NUDT3: variants seen among roughly 807,000 people sequenced by gnomAD.
NUDT3 encodes the protein nudix hydrolase 3, also known as diphosphoinositol polyphosphate phosphohydrolase 1.
NUDT3 carries 9 observed loss-of-function variants against 23.6 expected under a neutral mutation model. The ratio of observed to expected loss-of-function variants is 0.38; its 90% CI spans 0.23 to 0.66. The LOEUF is 0.66. Ranked by LOEUF, NUDT3 falls within the 30% of genes least tolerant of loss-of-function variation. The probability of loss-of-function intolerance (pLI) is 0.52; values close to 1 mark genes in which losing one functional copy is unlikely to be tolerated. For synonymous variants in NUDT3, 86 were observed against 82.6 expected (o/e 1.04, Z -0.22); for missense variants, 172 against 218.5 (o/e 0.79, Z 1.34).
intron 1 of NUDT3, among the ~76,000 whole-genome samples, chr6:34,343,954 T>C (rs572068497): frequency 1.3e-5 from 2 of 152,298 alleles, no homozygotes; most frequent in South Asian, 4.1e-4. Flanking sequence ...CATTAGTCAT[T>C]AGGGAAATGC....
At chr6:34,386,519 C>T (rs1191114598) in intron 1 of NUDT3, among the ~76,000 whole-genome samples, 3 of 152,090 alleles carry the variant, frequency 2.0e-5, no homozygotes, top group Non-Finnish European at 2.9e-5. Context: ...TTGACACATC[C>T]TAACCTGGAT....
At chr6:34,364,479 T>C (rs1247670524) in intron 1 of NUDT3, among the ~76,000 whole-genome samples, 2 of 152,152 alleles carry the variant, frequency 1.3e-5, no homozygotes, top group African/African-American at 4.8e-5. Context: ...TTTCTAAAAC[T>C]AAACAATGGC....
At position 34,375,995 on chromosome 6, in the gene NUDT3, G is replaced by A. The variant is rs148464866; in HGVS notation, c.99+16269C>T. 4.3e-3 allele frequency among the ~76,000 whole-genome samples: 661 copies of A among 152,140 alleles called. 2 individuals carry two copies. Among genetic ancestry groups the A allele is most frequent in the African/African-American group, 0.015 (628 of 41,518 alleles). ...TTGCTTTCTGTGTACTTTCTCTTGTGCTAACTTTCTATTCTCCCTCTCCAA... is the reference window on the plus strand; with the variant it reads ...TTGCTTTCTGTGTACTTTCTCTTGTACTAACTTTCTATTCTCCCTCTCCAA... On this transcript the variant is annotated intron_variant, in intron 1 of 4. Transcript: ENST00000607016.
chr6:34,288,618 C>T lies in NUDT3; in HGVS notation c.*135G>A. On this transcript the variant is annotated 3_prime_UTR_variant, in exon 5 of 5. Transcript: ENST00000607016. ...ACACCAAACAGCAACATTATCAATA[C>T]ACCCTTTCTTTGCTGCCCACCATGC... 5 of 1,199,738 alleles carry T rather than the reference C, an allele frequency of 4.2e-6. No homozygotes were observed. The highest frequency in any genetic ancestry group is 5.7e-6 in the Non-Finnish European group (5 of 874,560). 74.3% of individuals were successfully genotyped at this position (1,199,738 alleles called of 1,614,324 possible). A position where few individuals can be genotyped will look rare whatever the true frequency, so the allele number is the denominator to read the frequency against.
chr6:34,368,804 C>T (rs941820078), intron 1 of NUDT3, among the ~76,000 whole-genome samples: 2 of 152,102 alleles, frequency 1.3e-5, no homozygotes, highest in African/African-American at 2.4e-5. Flanking sequence ...ACACCTGGCT[C>T]ATTTTTTGTA....
At chr6:34,361,062 A>G (rs187721914) in intron 1 of NUDT3, among the ~76,000 whole-genome samples, 232 of 152,212 alleles carry the variant, frequency 1.5e-3, no homozygotes, top group African/African-American at 5.3e-3. Flanking sequence ...ATTTCTATAA[A>G]AAATTTTAAA....
chr6:34,360,845 T>C (rs78931065), intron 1 of NUDT3, among the ~76,000 whole-genome samples: 12,622 of 152,012 alleles, frequency 0.083, 697 homozygotes, highest in Non-Finnish European at 0.12. Context: ...ATCCAAAATA[T>C]ACACAGGACA....
intron 1 of NUDT3, among the ~76,000 whole-genome samples, chr6:34,357,253 G>A (rs1197096685): frequency 6.6e-6 from 1 of 152,126 alleles, no homozygotes; most frequent in African/African-American, 2.4e-5. Context: ...GAAGCTGACT[G>A]AGGAGTACAT....
intron 1 of NUDT3, among the ~76,000 whole-genome samples, chr6:34,389,274 T>G (rs1471395867): frequency 6.6e-6 from 1 of 152,200 alleles, no homozygotes; most frequent in Non-Finnish European, 1.5e-5. Flanking sequence ...TCCAATGGTT[T>G]TACAAGTGTT....
intron 1 of NUDT3, among the ~76,000 whole-genome samples, chr6:34,348,880 G>C (rs1179005786): frequency 1.3e-5 from 2 of 149,378 alleles, no homozygotes; most frequent in Admixed American, 1.3e-4. Context: ...TTTTTTTTTA[G>C]ACAGGATCTC....
At chr6:34,348,071 G>A (rs949939270) in intron 1 of NUDT3, among the ~76,000 whole-genome samples, 3 of 151,930 alleles carry the variant, frequency 2.0e-5, no homozygotes, top group Non-Finnish European at 4.4e-5. Context: ...GGCTGAGGCG[G>A]GCAGATCACT....
chr6:34,366,151 G>A (rs1050228608), intron 1 of NUDT3, among the ~76,000 whole-genome samples: 1 of 151,070 alleles, frequency 6.6e-6, no homozygotes, highest in Admixed American at 6.6e-5. Context: ...CAGATCACTT[G>A]AGCCCAGGAG....
chr6:34,297,755 ATATAATTT>A (rs1405250848), intron 2 of NUDT3, among the ~76,000 whole-genome samples: 19 of 90,382 alleles, frequency 2.1e-4, no homozygotes, highest in African/African-American at 9.8e-4. Flanking sequence ...ATATATATAT[ATATAATTT>A]TTTTTTTTTT....
chr6:34,345,997 G>C (rs80273927), intron 1 of NUDT3, among the ~76,000 whole-genome samples: 2,525 of 151,900 alleles, frequency 0.017, 72 homozygotes, highest in African/African-American at 0.058. Context: ...TCGAACTCCC[G>C]AACTCAGGTC....
In NUDT3 at chr6:34,281,094, A is replaced by G. The variant is rs1255788466; in HGVS notation, c.*7659T>C. 2.6e-5 allele frequency: 4 copies of G among 152,238 alleles called. No individual in the cohort carries two copies. The highest frequency in any genetic ancestry group is 5.9e-5 in the Non-Finnish European group (4 of 68,048). 9.4% of individuals were successfully genotyped at this position (152,238 alleles called of 1,614,324 possible). Reference sequence around the variant, plus strand: ...GAAAGCACACTAGTTCATCTCTTTTATAAGTAGAATGGTCCCAGGGATGTT... The same window carrying G: ...GAAAGCACACTAGTTCATCTCTTTTGTAAGTAGAATGGTCCCAGGGATGTT... On this transcript the variant is annotated 3_prime_UTR_variant, in exon 5 of 5. Coordinates refer to ENST00000607016, the MANE Select transcript of NUDT3 (RefSeq NM_006703.4).
intron 2 of NUDT3, among the ~76,000 whole-genome samples, 166 bp downstream of exon 2, chr6:34,341,683 AACATTACCATGTC>A (rs1313088149): frequency 6.6e-6 from 1 of 152,278 alleles, no homozygotes; most frequent in Non-Finnish European, 1.5e-5. Context: ...AGTGCCGGTT[AACATTACCATGTC>A]ACAACTCCAT....
chr6:34,295,774 A>G, intron 2 of NUDT3, 89 bp from the exon 3 acceptor site: 1 of 1,534,604 alleles, frequency 6.5e-7, no homozygotes, highest in Non-Finnish European at 8.9e-7. Context: ...TAAAATAGAA[A>G]CAAAAAACAA....
chr6:34,362,913 T>C (rs559486928), intron 1 of NUDT3, among the ~76,000 whole-genome samples: 1 of 152,306 alleles, frequency 6.6e-6, no homozygotes, highest in African/African-American at 2.4e-5. Flanking sequence ...AAAGCCATTA[T>C]TTCCATACAC....
At chr6:34,291,025 T>C (rs1763414025) in intron 4 of NUDT3, among the ~76,000 whole-genome samples, 1 of 151,960 alleles carries the variant, frequency 6.6e-6, no homozygotes, top group African/African-American at 2.4e-5. Flanking sequence ...AGTGGCGTTA[T>C]CTTAGCTCAC....
Sources: gnomAD v4.1 joint callset for allele counts (sites outside exome capture counted in the v4.1 genomes callset) on GRCh38, gnomAD v4.1.1 for gene constraint, MANE v1.5 for transcripts, NCBI Gene and HGNC (gene_info 2026-07-23, HGNC 2026-07-21) for gene names.